Variants in SNURF observed in about 807,000 individuals in gnomAD.
The protein encoded by SNURF is SNRPN upstream open reading frame.
In SNURF, 6 loss-of-function variants were observed where a neutral mutation model predicts 11.6. The ratio of observed to expected loss-of-function variants is 0.52; its 90% CI spans 0.28 to 1.02. SNURF has a LOEUF of 1.02. SNURF is among the 50% of genes least tolerant of loss of function. The probability of loss-of-function intolerance (pLI) is 0.09; values close to 1 mark genes in which losing one functional copy is unlikely to be tolerated. For missense variants in SNURF, 84 were observed against 88.4 expected (o/e 0.95, Z 0.20); for synonymous variants, 29 against 31.6 (o/e 0.92, Z 0.27).
intron 6 of SNURF, chr15:24,977,117 C>A: frequency 1.9e-6 from 2 of 1,062,190 alleles, no homozygotes; most frequent in South Asian, 1.9e-5. Flanking sequence ...GTGTATGTGT[C>A]ATACAATGTA....
At chr15:24,959,489 T>C (rs1039728906) in intron 1 of SNURF, among the ~76,000 whole-genome samples, 1 of 152,160 alleles carries the variant, frequency 6.6e-6, no homozygotes, top group East Asian at 1.9e-4. Flanking sequence ...GTTGAAATAA[T>C]AGAATATTTT....
chr15:24,974,532 G>C, intron 3 of SNURF: 1 of 1,364,630 alleles, frequency 7.3e-7, no homozygotes, highest in Non-Finnish European at 1.0e-6. Flanking sequence ...CATGTGCAGT[G>C]ATCTTGGGTT....
chr15:24,957,129 T>G (rs538092985), intron 1 of SNURF, among the ~76,000 whole-genome samples: 1 of 152,198 alleles, frequency 6.6e-6, no homozygotes, highest in Non-Finnish European at 1.5e-5. Context: ...TTCGACACAT[T>G]TAATAAATGT....
rs2077230132 is a variant in SNURF at position 24,977,760 on chromosome 15, C to A, written c.*463-18C>A. The A allele has an allele frequency of 3.8e-6, 6 of 1,574,842 alleles. No homozygotes were observed. In the South Asian group the frequency reaches 7.1e-5, roughly 19 times the overall value. On this transcript the variant is annotated intron_variant and NMD_transcript_variant, in intron 6 of 6. Coordinates refer to the SNURF transcript ENST00000580062. ...AAGGTTTGCATCGCTTTGACTGTTT[C>A]CCGCCCTGCCTTCTCAGGTAATGAC...
intron 2 of SNURF, 130 bp downstream of exon 2, chr15:24,962,339 A>G (rs769254063): frequency 4.0e-6 from 3 of 745,236 alleles, no homozygotes; most frequent in Non-Finnish European, 7.0e-6. Flanking sequence ...CAGAAGATGT[A>G]GTAAAAAAGC....
intron 5 of SNURF, chr15:24,976,797 A>G: frequency 7.8e-7 from 1 of 1,289,848 alleles, no homozygotes; most frequent in Non-Finnish European, 1.1e-6. Context: ...AAAATGGTGG[A>G]GAGAAGTGAT....
intron 5 of SNURF, chr15:24,976,729 G>A: frequency 2.8e-6 from 2 of 707,826 alleles, no homozygotes; most frequent in South Asian, 1.8e-5. Context: ...TACCTCCATG[G>A]TATACTTGCT....
intron 2 of SNURF, among the ~76,000 whole-genome samples, chr15:24,963,255 C>T (rs1459954624): frequency 6.6e-6 from 1 of 152,154 alleles, no homozygotes; most frequent in Non-Finnish European, 1.5e-5. Context: ...TAATCGTTAG[C>T]TTGCTGCTGG....
intron 3 of SNURF, chr15:24,974,764 G>A: frequency 1.6e-6 from 1 of 615,074 alleles, no homozygotes; most frequent in Admixed American, 2.8e-5. Flanking sequence ...TCACTGTGTT[G>A]GCCAGGCTGG....
intron 1 of SNURF, among the ~76,000 whole-genome samples, 165 bp from the exon 2 acceptor site, chr15:24,961,949 G>C (rs1240735514): frequency 6.6e-6 from 1 of 152,072 alleles, no homozygotes; most frequent in Non-Finnish European, 1.5e-5. Context: ...TTATAGCATA[G>C]ATTATGACTG....
rs565676905 is a variant in SNURF at position 24,977,086 on chromosome 15, C to G, written c.*462+57C>G. 1.4e-5 allele frequency: 20 copies of G among 1,413,890 alleles called. No individual in the cohort carries two copies. The African/African-American group carries it at 2.9e-4, about 21-fold the overall frequency. The allele number at this position is 1,413,890 out of a possible 1,614,324, so 87.6% of individuals were successfully genotyped here. ...GGGAGAATATGACTAAGCCGGAGGC[C>G]GAGGAGATTTAAAAACCTAAGTGTA... On this transcript the variant is annotated intron_variant and NMD_transcript_variant, in intron 6 of 6. Transcript: ENST00000580062.
chr15:24,966,515 C>A (rs1277076933), intron 2 of SNURF, among the ~76,000 whole-genome samples: 1 of 152,110 alleles, frequency 6.6e-6, no homozygotes, highest in Non-Finnish European at 1.5e-5. Context: ...TCCTGCCCTC[C>A]CAGGAGGGCT....
intron 1 of SNURF, among the ~76,000 whole-genome samples, chr15:24,959,826 A>G (rs1321780830): frequency 2.6e-5 from 4 of 152,226 alleles, no homozygotes; most frequent in African/African-American, 7.2e-5. Context: ...GAATAATGCT[A>G]CTAGGAACAC....
At chr15:24,977,634 C>T in intron 6 of SNURF, 1 of 816,812 alleles carries the variant, frequency 1.2e-6, no homozygotes, top group African/African-American at 1.8e-5. Flanking sequence ...GTGAAACTGT[C>T]TCAAAAAAAA....
downstream of SNURF, chr15:24,978,308 A>C: frequency 6.2e-7 from 1 of 1,614,050 alleles, no homozygotes; most frequent in South Asian, 1.1e-5. Flanking sequence ...CCCCTCCACC[A>C]GGCATTAGAG....
intron 2 of SNURF, among the ~76,000 whole-genome samples, chr15:24,965,246 C>T (rs1262913812): frequency 6.6e-6 from 1 of 151,964 alleles, no homozygotes; most frequent in Non-Finnish European, 1.5e-5. Context: ...CCCTAAAGAT[C>T]AATGAAGGAG....
At chr15:24,966,930 A>T (rs1422658390) in intron 2 of SNURF, 2 of 152,088 alleles carry the variant, frequency 1.3e-5, no homozygotes, top group Non-Finnish European at 2.9e-5. Context: ...TCATAGGGGT[A>T]TGTCGAGGGC....
intron 1 of SNURF, among the ~76,000 whole-genome samples, chr15:24,956,988 C>G (rs562426223): frequency 6.6e-6 from 1 of 152,308 alleles, no homozygotes; most frequent in African/African-American, 2.4e-5. Context: ...AATTGGTTTT[C>G]TGACTCCCTG....
downstream of SNURF, among the ~76,000 whole-genome samples, chr15:24,972,255 C>CAA (rs5811371): frequency 1.6e-3 from 174 of 108,166 alleles, 1 homozygote; most frequent in South Asian, 4.9e-3. Flanking sequence ...GACTCTGTCT[C>CAA]AAAAAAAAAA....
Sources: gnomAD v4.1 joint callset for allele counts (sites outside exome capture counted in the v4.1 genomes callset) on GRCh38, gnomAD v4.1.1 for gene constraint, MANE v1.5 for transcripts, NCBI Gene and HGNC (gene_info 2026-07-23, HGNC 2026-07-21) for gene names.